Variants in FHIT observed in about 807,000 individuals in gnomAD.
The protein encoded by FHIT is bis(5'-adenosyl)-triphosphatase.
In FHIT, 19 loss-of-function variants were observed where a neutral mutation model predicts 17.9. The ratio of observed to expected loss-of-function variants is 1.06; its 90% CI spans 0.74 to 1.56. FHIT has a LOEUF of 1.56. FHIT is among the 40% of genes most tolerant of loss of function. The pLI, the probability that FHIT is intolerant of heterozygous loss-of-function variation, is 0.00. For missense variants in FHIT, 248 were observed against 189.2 expected, an observed-to-expected ratio of 1.31 and a Z score of -1.82; for synonymous variants, 81 against 69.7, an observed-to-expected ratio of 1.16 and a Z score of -0.81.
chr3:60,169,008 A>T (rs568020144), intron 5 of FHIT, among the ~76,000 whole-genome samples: 3 of 152,316 alleles, frequency 2.0e-5, no homozygotes, highest in East Asian at 3.9e-4. Context: ...CTTGAAATAC[A>T]GTTGGAGGAT....
intron 4 of FHIT, among the ~76,000 whole-genome samples, chr3:60,777,969 C>T (rs908306637): frequency 1.3e-5 from 2 of 152,138 alleles, no homozygotes; most frequent in African/African-American, 2.4e-5. Flanking sequence ...GTTTCAAAAT[C>T]GTCTTCCCTG....
At chr3:61,135,373 T>C (rs542320738) in intron 2 of FHIT, among the ~76,000 whole-genome samples, 23 of 152,374 alleles carry the variant, frequency 1.5e-4, no homozygotes, top group African/African-American at 5.0e-4. Context: ...CTGATATTTA[T>C]TGAGCACTTA....
rs189791412 is a variant in FHIT at position 60,142,235 on chromosome 3, C to T, written c.104-128083G>A. On this transcript the variant is annotated intron_variant, in intron 5 of 9. Coordinates refer to ENST00000492590, the MANE Select transcript of FHIT (RefSeq NM_002012.4). ...TGAGACCCTGAACAAGTTACATAAA[C>T]TGCATCTGTTTCCACAGGGATAATG... Among the ~76,000 whole-genome samples the T allele has an allele frequency of 1.6e-3, 236 of 152,126 alleles. 1 individual carries two copies. Among genetic ancestry groups the T allele is most frequent in the African/African-American group, 4.7e-3 (196 of 41,556 alleles).
chr3:60,414,826 G>C (rs145404986), intron 5 of FHIT, among the ~76,000 whole-genome samples: 2 of 152,166 alleles, frequency 1.3e-5, no homozygotes, highest in Non-Finnish European at 2.9e-5. Context: ...TATAAGTAAA[G>C]AAGATACCCT....
chr3:60,849,979 T>G (rs1315096679), intron 3 of FHIT, among the ~76,000 whole-genome samples: 6 of 152,098 alleles, frequency 3.9e-5, no homozygotes, highest in Non-Finnish European at 7.4e-5. Flanking sequence ...CCTTCCCTCT[T>G]TCCTGCCTTC....
intron 3 of FHIT, among the ~76,000 whole-genome samples, chr3:61,017,115 C>T (rs889509463): frequency 2.3e-4 from 35 of 152,178 alleles, no homozygotes; most frequent in Admixed American, 7.8e-4. Flanking sequence ...GGTGAAACAC[C>T]GTCTCTAACA....
rs1045569307 is a variant in FHIT, at chr3:60,202,533, G to C, written c.104-188381C>G. Among the ~76,000 whole-genome samples the C allele has an allele frequency of 1.1e-4, 17 of 152,292 alleles. No individual in the cohort carries two copies. The South Asian group carries it at 3.5e-3, about 32-fold the overall frequency. ...CACAGTTGTACATGAGACATTATTG[G>C]TAGAGTAGTTATGGTTGCCTGATTG... On this transcript the variant is annotated intron_variant, in intron 5 of 9. Coordinates refer to ENST00000492590, the MANE Select transcript of FHIT (RefSeq NM_002012.4).
intron 5 of FHIT, among the ~76,000 whole-genome samples, chr3:60,487,663 C>T (rs1422382626): frequency 6.6e-6 from 1 of 152,190 alleles, no homozygotes; most frequent in Non-Finnish European, 1.5e-5. Flanking sequence ...CTGACTATCT[C>T]AAAGTTGCTA....
At chr3:60,859,406 C>T (rs1189516427) in intron 3 of FHIT, among the ~76,000 whole-genome samples, 1 of 152,086 alleles carries the variant, frequency 6.6e-6, no homozygotes, top group Non-Finnish European at 1.5e-5. Flanking sequence ...TTAGTATTCA[C>T]CCATGTGCAC....
intron 8 of FHIT, among the ~76,000 whole-genome samples, chr3:59,787,032 G>C (rs911184918): frequency 4.6e-5 from 7 of 152,204 alleles, no homozygotes; most frequent in Non-Finnish European, 4.4e-5. Context: ...AATTATCAGA[G>C]GGCTGGTCTG....
intron 4 of FHIT, among the ~76,000 whole-genome samples, chr3:60,537,970 T>TGTGAAATAC (rs2036047151): frequency 1.9e-5 from 1 of 52,506 alleles, no homozygotes; most frequent in African/African-American, 8.5e-5. Flanking sequence ...ATTTGTGATA[T>TGTGAAATAC]GCATTTGGTT....
chr3:60,884,802 GA>G (rs1705139710), intron 3 of FHIT, among the ~76,000 whole-genome samples: 4 of 151,004 alleles, frequency 2.6e-5, no homozygotes, highest in Admixed American at 1.3e-4. Context: ...CTACTTGGAA[GA>G]CCAAAGTGGG....
At chr3:60,018,703 C>T (rs1033128699) in intron 5 of FHIT, among the ~76,000 whole-genome samples, 5 of 152,150 alleles carry the variant, frequency 3.3e-5, no homozygotes, top group African/African-American at 7.2e-5. Context: ...ATCGGCCGGG[C>T]GCAGTGGCTC....
intron 5 of FHIT, among the ~76,000 whole-genome samples, chr3:60,489,445 G>C (rs1377050631): frequency 6.6e-6 from 1 of 152,092 alleles, no homozygotes; most frequent in East Asian, 1.9e-4. Context: ...AAAGCCCACT[G>C]AATTAAAGAC....
intron 8 of FHIT, among the ~76,000 whole-genome samples, chr3:59,780,444 A>G (rs570168828): frequency 6.6e-6 from 1 of 152,204 alleles, no homozygotes; most frequent in Non-Finnish European, 1.5e-5. Context: ...TACAGGAATG[A>G]ATCAGGAGAG....
At chr3:60,921,540 A>G (rs563711230) in intron 3 of FHIT, among the ~76,000 whole-genome samples, 9 of 152,352 alleles carry the variant, frequency 5.9e-5, no homozygotes, top group African/African-American at 2.2e-4. Flanking sequence ...ACATGTAAAT[A>G]TATTCATGAT....
At chr3:60,122,780 C>T (rs539705807) in intron 5 of FHIT, among the ~76,000 whole-genome samples, 2 of 152,172 alleles carry the variant, frequency 1.3e-5, no homozygotes, top group African/African-American at 4.8e-5. Context: ...CAACAGGAAA[C>T]CATTTAGAAG....
chr3:60,220,563 A>C (rs1021785583), intron 5 of FHIT, among the ~76,000 whole-genome samples: 1 of 152,204 alleles, frequency 6.6e-6, no homozygotes, highest in Non-Finnish European at 1.5e-5. Flanking sequence ...TATGGTATAC[A>C]GTATTTTTTA....
chr3:60,950,862 A>G (rs1708850968), intron 3 of FHIT, among the ~76,000 whole-genome samples: 1 of 152,036 alleles, frequency 6.6e-6, no homozygotes, highest in Admixed American at 6.6e-5. Context: ...AAAGGAGCGG[A>G]TTTATCTAAC....
Sources: gnomAD v4.1 joint callset for allele counts (sites outside exome capture counted in the v4.1 genomes callset) on GRCh38, gnomAD v4.1.1 for gene constraint, MANE v1.5 for transcripts, NCBI Gene and HGNC (gene_info 2026-07-23, HGNC 2026-07-21) for gene names.